The following UACA variants were observed in gnomAD, a reference collection of about 807,000 sequenced individuals.
UACA encodes uveal autoantigen with coiled-coil domains and ankyrin repeats.
UACA carries 112 observed loss-of-function variants against 160.5 expected under a neutral mutation model. The ratio of observed to expected loss-of-function variants is 0.70; its 90% CI spans 0.60 to 0.82. The LOEUF is 0.82. Ranked by LOEUF, UACA falls within the 40% of genes least tolerant of loss-of-function variation. UACA has a pLI of 0.00. For synonymous variants in UACA, 557 were observed against 568.4 expected, an observed-to-expected ratio of 0.98 and a Z score of 0.29; for missense variants, 1,574 against 1,614.6, an observed-to-expected ratio of 0.97 and a Z score of 0.43.
At position 70,667,082 on chromosome 15, in the gene UACA, A is replaced by G. The variant is rs971565660; in HGVS notation, c.3602T>C (p.Val1201Ala). 1 of 1,613,110 alleles carries G rather than the reference A, an allele frequency of 6.2e-7. No homozygotes were observed. The highest frequency in any genetic ancestry group is 1.3e-5 in the African/African-American group (1 of 74,892). Reference sequence around the variant, plus strand: ...CTGAACCTCCGACTGAAGTTTGGAGACTTCTTCCATTTTGTTTTGGCTTTC... The same window carrying G: ...CTGAACCTCCGACTGAAGTTTGGAGGCTTCTTCCATTTTGTTTTGGCTTTC... ...EEESQNKMEEVSKLQSEVQNT... is the reference protein window; with the variant it reads ...EEESQNKMEEASKLQSEVQNT... The change falls in exon 16 of 19, where the codon GTC becomes GCC. Residue 1201 changes from valine to alanine, a missense_variant. Transcript: ENST00000322954.
At chr15:70,729,622 T>C (rs1899255512) in intron 1 of UACA, among the ~76,000 whole-genome samples, 1 of 136,044 alleles carries the variant, frequency 7.4e-6, no homozygotes, top group Non-Finnish European at 1.5e-5. Flanking sequence ...CTTCAGAGAG[T>C]GGTTAAAAAT....
intron 1 of UACA, among the ~76,000 whole-genome samples, chr15:70,743,126 C>T (rs574048200): frequency 6.6e-6 from 1 of 152,326 alleles, no homozygotes; most frequent in Admixed American, 6.5e-5. Flanking sequence ...TAGCTCAAGA[C>T]CTCTCACATT....
chr15:70,739,735 A>T (rs79346147), intron 1 of UACA, among the ~76,000 whole-genome samples: 3,599 of 152,312 alleles, frequency 0.024, 156 homozygotes, highest in African/African-American at 0.081. Flanking sequence ...ATGGTGTCAG[A>T]TGTTAAACTA....
intron 1 of UACA, among the ~76,000 whole-genome samples, chr15:70,745,811 A>T (rs1485528905): frequency 1.2e-5 from 1 of 81,212 alleles, no homozygotes; most frequent in Non-Finnish European, 3.9e-5. Flanking sequence ...AACACCACAC[A>T]TCTACAACCA....
intron 1 of UACA, among the ~76,000 whole-genome samples, chr15:70,720,433 A>C (rs1953885905): frequency 6.6e-6 from 1 of 152,104 alleles, no homozygotes; most frequent in South Asian, 2.1e-4. Context: ...TCAGCCTCCC[A>C]AAGTGCTACT....
intron 1 of UACA, among the ~76,000 whole-genome samples, chr15:70,719,529 A>T (rs1319367245): frequency 6.6e-6 from 1 of 152,222 alleles, no homozygotes; most frequent in Admixed American, 6.5e-5. Context: ...CTACTGGCAC[A>T]TGGCTCTGAC....
chr15:70,679,855 A>G (rs1897432718), intron 9 of UACA, 179 bp from the exon 10 acceptor site: 3 of 359,082 alleles, frequency 8.4e-6, no homozygotes, highest in Non-Finnish European at 1.5e-5. Flanking sequence ...CTTTAAGACT[A>G]TGTTTTAAAT....
At position 70,693,134 on chromosome 15, in the gene UACA, C is replaced by G. The variant is rs544904852; in HGVS notation, c.302-1771G>C. On this transcript the variant is annotated intron_variant, in intron 3 of 18. Transcript: ENST00000322954. ...CATTTACATGTAAAGTAAGAGATAG[C>G]ATGGAGTGGAGATGGTAGGGTTAGG... Among the ~76,000 whole-genome samples the G allele has an allele frequency of 9.9e-5, 15 of 152,278 alleles. No homozygotes were observed. In the South Asian group the frequency reaches 1.9e-3, roughly 19 times the overall value.
rs1897013170 is a variant in UACA at position 70,668,427 on chromosome 15, T to C, written c.2257A>G (p.Met753Val). ...ATAATTGCATCATGTGACTTTTTCA[T>C]GTCTTCACTTACTTTTAAAGGAACA... ...HYVPLKVSED[M>V]KKSHDAIIDD... The change falls in exon 16 of 19, where the codon ATG (methionine) becomes GTG (valine). Residue 753 changes from methionine to valine, a missense_variant. Coordinates refer to ENST00000322954, the MANE Select transcript of UACA (RefSeq NM_018003.4). 1 of 1,612,142 alleles carries C rather than the reference T, an allele frequency of 6.2e-7. No individual in the cohort carries two copies. Among genetic ancestry groups the C allele is most frequent in the Non-Finnish European group, 8.5e-7 (1 of 1,179,776 alleles).
chr15:70,663,091 G>A (rs1896774614), intron 17 of UACA, among the ~76,000 whole-genome samples: 2 of 152,126 alleles, frequency 1.3e-5, no homozygotes, highest in African/African-American at 2.4e-5. Context: ...CAGAATGGGA[G>A]AACATTTTTG....
In UACA at chr15:70,668,864, CTTCCT is replaced by C; in HGVS notation, c.1815_1819del (p.Gly606LysfsTer23). ...CTGGCCTTCCATCTCTGTGACCTTTCTTCCTTTCTTCTCTCGCTCCATTTCACACA... is the reference window on the plus strand; with the variant it reads ...CTGGCCTTCCATCTCTGTGACCTTTCTTCTTCTCTCGCTCCATTTCACACA... On this transcript the variant is annotated frameshift_variant, in exon 16 of 19. Coordinates refer to ENST00000322954, the MANE Select transcript of UACA (RefSeq NM_018003.4). LOFTEE classifies it high-confidence loss of function. 3 of 1,613,748 alleles carry C rather than the reference CTTCCT, an allele frequency of 1.9e-6. No homozygotes were observed. The highest frequency in any genetic ancestry group is 2.5e-6 in the Non-Finnish European group (3 of 1,179,980).
intron 17 of UACA, among the ~76,000 whole-genome samples, chr15:70,662,857 T>G (rs1435424818): frequency 1.3e-5 from 2 of 151,916 alleles, no homozygotes; most frequent in African/African-American, 4.8e-5. Flanking sequence ...ATACAAAAAT[T>G]AATTCAAGAT....
chr15:70,702,764 A>G (rs747699970), intron 1 of UACA, among the ~76,000 whole-genome samples: 2 of 152,248 alleles, frequency 1.3e-5, no homozygotes, highest in Non-Finnish European at 2.9e-5. Flanking sequence ...GTCTCTCTGC[A>G]TACAACCAGG....
At chr15:70,681,874 T>C (rs765017053) in intron 9 of UACA, 5 of 152,196 alleles carry the variant, frequency 3.3e-5, no homozygotes, top group Non-Finnish European at 7.4e-5. Context: ...TCTCAGAACT[T>C]AAAGCAAAAT....
At chr15:70,773,438 G>A in the UACA span, among the ~76,000 whole-genome samples, 21 of 152,286 alleles carry the variant, frequency 1.4e-4, no homozygotes, top group Non-Finnish European at 2.5e-4. Context: ...TTTAAGGTGG[G>A]AGAAACTAAA....
chr15:70,705,411 C>T (rs1391508267), intron 1 of UACA, among the ~76,000 whole-genome samples: 5 of 152,008 alleles, frequency 3.3e-5, no homozygotes, highest in African/African-American at 1.2e-4. Context: ...TGATGCATGC[C>T]TGTAATCCCA....
chr15:70,703,002 A>AG (rs2140971762), intron 1 of UACA: 1 of 827,544 alleles, frequency 1.2e-6, no homozygotes, highest in African/African-American at 1.8e-5. Flanking sequence ...GAAAAAAAAA[A>AG]CTGGTTAAAC....
At chr15:70,737,253 T>G (rs930916703) in intron 1 of UACA, among the ~76,000 whole-genome samples, 1 of 152,184 alleles carries the variant, frequency 6.6e-6, no homozygotes, top group East Asian at 1.9e-4. Context: ...TCCTGTATTA[T>G]CAACAGATTA....
chr15:70,729,592 G>A (rs1193011122), intron 1 of UACA, among the ~76,000 whole-genome samples: 1 of 140,902 alleles, frequency 7.1e-6, no homozygotes, highest in Non-Finnish European at 1.5e-5. Context: ...TATTTTGCTC[G>A]GCTCTGTAAC....
Sources: gnomAD v4.1 joint callset for allele counts (sites outside exome capture counted in the v4.1 genomes callset) on GRCh38, gnomAD v4.1.1 for gene constraint, MANE v1.5 for transcripts, NCBI Gene and HGNC (gene_info 2026-07-23, HGNC 2026-07-21) for gene names.